Variants in GRM8 observed in about 807,000 individuals in gnomAD.
GRM8 encodes glutamate metabotropic receptor 8.
Under a neutral mutation model 87.2 loss-of-function variants are expected in GRM8, and 47 were observed. The ratio of observed to expected loss-of-function variants is 0.54; its 90% CI spans 0.43 to 0.69. GRM8 has a LOEUF of 0.69. GRM8 is among the 30% of genes least tolerant of loss of function. GRM8 has a pLI of 0.00. For synonymous variants in GRM8, 396 were observed against 404.5 expected (o/e 0.98, Z 0.25); for missense variants, 1,019 against 1,139.2 (o/e 0.89, Z 1.52).
chr7:127,023,030 T>C (rs944971912), intron 3 of GRM8, among the ~76,000 whole-genome samples: 3 of 152,198 alleles, frequency 2.0e-5, no homozygotes, highest in Middle Eastern at 3.4e-3. Context: ...TAGTCTTGTG[T>C]GGTCTAGCAT....
intron 3 of GRM8, among the ~76,000 whole-genome samples, chr7:127,091,821 G>A (rs1383164180): frequency 8.1e-5 from 2 of 24,844 alleles, no homozygotes; most frequent in African/African-American, 1.9e-4. Context: ...TGGTCATCCC[G>A]CCGTCTGGCT....
chr7:127,095,781 A>T (rs1029962353), intron 3 of GRM8: 1 of 152,206 alleles, frequency 6.6e-6, no homozygotes, highest in Non-Finnish European at 1.5e-5. Flanking sequence ...ATGCCTCTAA[A>T]TGATGCCTCC....
At chr7:126,668,319 G>A (rs941705091) in intron 7 of GRM8, among the ~76,000 whole-genome samples, 1 of 152,156 alleles carries the variant, frequency 6.6e-6, no homozygotes, top group East Asian at 1.9e-4. Flanking sequence ...GAAAAGTCCT[G>A]AAACATTTTT....
At chr7:126,741,469 A>T (rs778715572) in intron 7 of GRM8, among the ~76,000 whole-genome samples, 2 of 152,140 alleles carry the variant, frequency 1.3e-5, no homozygotes, top group Non-Finnish European at 2.9e-5. Context: ...GCAAGGGTAG[A>T]GAATTTTGTA....
At chr7:126,840,610 T>C (rs1796188315) in intron 6 of GRM8, among the ~76,000 whole-genome samples, 2 of 152,202 alleles carry the variant, frequency 1.3e-5, no homozygotes. Context: ...AAGTTAATTG[T>C]TGACTATGTA....
intron 6 of GRM8, among the ~76,000 whole-genome samples, chr7:126,827,389 C>T (rs970181117): frequency 3.3e-5 from 5 of 152,178 alleles, no homozygotes; most frequent in Middle Eastern, 3.4e-3. Context: ...TTTTATTTCA[C>T]TGAGCAGTGG....
intron 2 of GRM8, among the ~76,000 whole-genome samples, chr7:127,141,900 A>G (rs1028140308): frequency 9.9e-5 from 15 of 152,020 alleles, no homozygotes; most frequent in Non-Finnish European, 1.6e-4. Flanking sequence ...CAAAAATAGG[A>G]CCCACTGGAG....
At chr7:127,134,369 A>G (rs1003021171) in intron 2 of GRM8, among the ~76,000 whole-genome samples, 5 of 152,224 alleles carry the variant, frequency 3.3e-5, no homozygotes, top group Admixed American at 1.3e-4. Flanking sequence ...GATCAATTTA[A>G]ACAGTCACAT....
intron 3 of GRM8, among the ~76,000 whole-genome samples, chr7:127,048,687 C>G (rs1340960291): frequency 6.6e-6 from 1 of 152,108 alleles, no homozygotes. Context: ...GGTTTTAAAC[C>G]TAGAGTCCAT....
chr7:126,927,691 GCT>G (rs1805287240), intron 3 of GRM8, among the ~76,000 whole-genome samples: 1 of 152,052 alleles, frequency 6.6e-6, no homozygotes, highest in Non-Finnish European at 1.5e-5. Flanking sequence ...CAGTTAGAAT[GCT>G]GATCATTAAA....
intron 3 of GRM8, among the ~76,000 whole-genome samples, chr7:126,972,011 G>A (rs1473804762): frequency 2.6e-5 from 4 of 152,178 alleles, no homozygotes; most frequent in African/African-American, 4.8e-5. Context: ...TTCCGTGGAG[G>A]TAGAGACAGG....
intron 2 of GRM8, among the ~76,000 whole-genome samples, chr7:127,221,358 C>T (rs1449998944): frequency 6.6e-6 from 1 of 152,168 alleles, no homozygotes; most frequent in Non-Finnish European, 1.5e-5. Flanking sequence ...CCCAGTATTC[C>T]TTTTCCACCT....
chr7:126,886,072 G>A (rs566074794), intron 6 of GRM8, among the ~76,000 whole-genome samples: 1 of 152,176 alleles, frequency 6.6e-6, no homozygotes, highest in East Asian at 1.9e-4. Flanking sequence ...ATGACGTTCA[G>A]CTTAAGTGGC....
At chr7:127,011,374 A>G (rs1435652205) in intron 3 of GRM8, among the ~76,000 whole-genome samples, 2 of 152,152 alleles carry the variant, frequency 1.3e-5, no homozygotes, top group Non-Finnish European at 2.9e-5. Flanking sequence ...TTAACTACAT[A>G]AATTAAAATT....
chr7:126,510,141 G>C (rs934307859), intron 9 of GRM8, among the ~76,000 whole-genome samples: 2 of 151,960 alleles, frequency 1.3e-5, no homozygotes, highest in African/African-American at 2.4e-5. Flanking sequence ...TTAATCTATA[G>C]CTGCACATTT....
chr7:126,987,023 A>T (rs890439326), intron 3 of GRM8, among the ~76,000 whole-genome samples: 1 of 152,156 alleles, frequency 6.6e-6, no homozygotes, highest in African/African-American at 2.4e-5. Flanking sequence ...CTAAATCCCT[A>T]GAATCAATAA....
At chr7:126,703,744 T>C (rs2151404331) in intron 7 of GRM8, among the ~76,000 whole-genome samples, 1 of 152,238 alleles carries the variant, frequency 6.6e-6, no homozygotes, top group East Asian at 1.9e-4. Context: ...AATTTTTTTC[T>C]TGAGACAGAG....
intron 6 of GRM8, among the ~76,000 whole-genome samples, chr7:126,791,389 A>G (rs1357359681): frequency 6.6e-6 from 1 of 152,186 alleles, no homozygotes; most frequent in Non-Finnish European, 1.5e-5. Context: ...TTCATATTTT[A>G]AATGCAAAGC....
At chr7:126,712,168 T>G (rs2151428044) in intron 7 of GRM8, among the ~76,000 whole-genome samples, 1 of 152,292 alleles carries the variant, frequency 6.6e-6, no homozygotes, top group Non-Finnish European at 1.5e-5. Context: ...TAGAAGTCAT[T>G]GTAGGGTTAT....
Sources: allele counts gnomAD v4.1 joint callset (sites outside exome capture counted in the v4.1 genomes callset), GRCh38; gene constraint gnomAD v4.1.1; transcripts MANE v1.5; gene names NCBI Gene and HGNC (gene_info 2026-07-23, HGNC 2026-07-21).